Variants in IQCK observed in about 807,000 individuals in gnomAD.
IQCK encodes the protein IQ motif containing K, also known as IQ domain-containing protein K.
Under a neutral mutation model 28.1 loss-of-function variants are expected in IQCK, and 29 were observed. That is an observed-to-expected ratio of 1.03 (90% CI 0.77 to 1.41). The LOEUF is 1.41. Ranked by LOEUF, IQCK falls within the 40% of genes most tolerant of loss-of-function variation. The pLI, the probability that IQCK is intolerant of heterozygous loss-of-function variation, is 0.00. For missense variants in IQCK, 359 were observed against 314.7 expected (o/e 1.14, Z -1.07); for synonymous variants, 113 against 115.1 (o/e 0.98, Z 0.12).
intron 9 of IQCK, among the ~76,000 whole-genome samples, chr16:19,854,768 C>G (rs900501117): frequency 3.3e-5 from 5 of 152,010 alleles, no homozygotes; most frequent in African/African-American, 9.7e-5. Context: ...CCCCCAATCC[C>G]TGGGGAGCTG....
chr16:19,831,012 A>G (rs923469128), downstream of IQCK, among the ~76,000 whole-genome samples: 2 of 152,258 alleles, frequency 1.3e-5, no homozygotes, highest in African/African-American at 4.8e-5. Flanking sequence ...GGCACAGAGC[A>G]GATGGTCTGA....
At chr16:19,750,761 C>T (rs962606614) in intron 4 of IQCK, among the ~76,000 whole-genome samples, 3 of 152,048 alleles carry the variant, frequency 2.0e-5, no homozygotes, top group Non-Finnish European at 2.9e-5. Context: ...CGCACCCAGC[C>T]GAGAATTTAA....
intron 7 of IQCK, among the ~76,000 whole-genome samples, chr16:19,808,875 A>G (rs1175718155): frequency 6.6e-6 from 1 of 152,178 alleles, no homozygotes; most frequent in Non-Finnish European, 1.5e-5. Context: ...CATTTTTTTT[A>G]GACAGAGTTT....
chr16:19,758,094 A>T (rs1328457741), intron 4 of IQCK, among the ~76,000 whole-genome samples: 3 of 152,154 alleles, frequency 2.0e-5, no homozygotes, highest in African/African-American at 7.2e-5. Context: ...ACCCTTTAAC[A>T]ATCAAGGACT....
At chr16:19,818,585 G>A (rs956450701) in intron 7 of IQCK, among the ~76,000 whole-genome samples, 4 of 152,054 alleles carry the variant, frequency 2.6e-5, no homozygotes, top group Admixed American at 6.6e-5. Context: ...TAGGGATGAC[G>A]TTTCACCATG....
At position 19,841,969 on chromosome 16, in the gene IQCK, C is replaced by T. The variant is rs559299097; in HGVS notation, c.803-14518C>T. On this transcript the variant is annotated intron_variant, in intron 9 of 9. Coordinates refer to the IQCK transcript ENST00000320394. ...CAGGCAATTCTCCTGCCTCAGCCTC[C>T]TGAGTAGCTGGGATTACAGGTGCCC... 1.3e-4 allele frequency among the ~76,000 whole-genome samples: 20 copies of T among 152,204 alleles called. No individual in the cohort carries two copies. The South Asian group carries it at 3.9e-3, about 30-fold the overall frequency.
chr16:19,828,949 A>G (rs1184137816), downstream of IQCK, among the ~76,000 whole-genome samples: 3 of 143,158 alleles, frequency 2.1e-5, no homozygotes, highest in Admixed American at 7.3e-5. Flanking sequence ...TTAATTATTT[A>G]ATTATTTAAA....
intron 3 of IQCK, among the ~76,000 whole-genome samples, chr16:19,735,011 C>G (rs1977966730): frequency 6.6e-6 from 1 of 152,018 alleles, no homozygotes; most frequent in African/African-American, 2.4e-5. Flanking sequence ...ACTCTGACTC[C>G]CAATTCCTCT....
intron 7 of IQCK, among the ~76,000 whole-genome samples, chr16:19,823,139 T>C (rs2056098944): frequency 6.6e-6 from 1 of 152,012 alleles, no homozygotes. Flanking sequence ...GAGCCCAGGC[T>C]TGGGCTCCCT....
At chr16:19,718,544 C>T (rs1259478511) in intron 1 of IQCK, 57 bp downstream of exon 1, 2 of 1,451,570 alleles carry the variant, frequency 1.4e-6, no homozygotes, top group Non-Finnish European at 1.8e-6. Context: ...ACGGGGGCCG[C>T]GTTTGGGGAG....
Position 19,733,840 on chromosome 16 carries a change from G to A in IQCK, c.376+13G>A, listed in dbSNP as rs1195731191. The A allele has an allele frequency of 1.2e-6, 2 of 1,613,144 alleles. No homozygotes were observed. Among genetic ancestry groups the A allele is most frequent in the Admixed American group, 1.7e-5 (1 of 59,820 alleles). ...AACCCAAAAACATGTGAGTAAGAGA[G>A]ATGCCATCTTTTATAATTTGGGGCT... On this transcript the variant is annotated intron_variant, in intron 3 of 7. Transcript: ENST00000564186.
intron 7 of IQCK, among the ~76,000 whole-genome samples, chr16:19,811,588 G>A (rs534558258): frequency 5.9e-5 from 9 of 152,184 alleles, no homozygotes; most frequent in Non-Finnish European, 1.3e-4. Flanking sequence ...CTGCAAAGAC[G>A]ACCCCACCAA....
At chr16:19,727,909 C>G (rs1055302693) in intron 1 of IQCK, among the ~76,000 whole-genome samples, 1 of 152,156 alleles carries the variant, frequency 6.6e-6, no homozygotes, top group East Asian at 1.9e-4. Context: ...CTAAGATAGC[C>G]CCCAAGATTC....
At chr16:19,780,376 G>T (rs1486055818) in intron 6 of IQCK, among the ~76,000 whole-genome samples, 1 of 151,956 alleles carries the variant, frequency 6.6e-6, no homozygotes, top group African/African-American at 2.4e-5. Flanking sequence ...AGACAGTGTT[G>T]CCCTGGCTGG....
chr16:19,780,159 A>G (rs539855138), intron 6 of IQCK, among the ~76,000 whole-genome samples: 1 of 152,038 alleles, frequency 6.6e-6, no homozygotes, highest in Non-Finnish European at 1.5e-5. Context: ...CTCCTGCCTC[A>G]GCGTCCCAAG....
chr16:19,721,216 AC>A (rs2151670591), intron 1 of IQCK, among the ~76,000 whole-genome samples: 2 of 151,622 alleles, frequency 1.3e-5, no homozygotes, highest in African/African-American at 4.9e-5. Flanking sequence ...ATTAAGTACT[AC>A]ATTCTCTTAA....
chr16:19,767,999 A>G (rs2055266037), intron 6 of IQCK, among the ~76,000 whole-genome samples: 1 of 151,604 alleles, frequency 6.6e-6, no homozygotes, highest in African/African-American at 2.4e-5. Flanking sequence ...TATAGCCTGA[A>G]CATTGTTTTT....
intron 9 of IQCK, among the ~76,000 whole-genome samples, chr16:19,847,403 G>T (rs548430013): frequency 1.4e-4 from 22 of 152,224 alleles, no homozygotes; most frequent in Non-Finnish European, 2.6e-4. Context: ...GTGAAATTCT[G>T]TGCATGAATC....
intron 9 of IQCK, among the ~76,000 whole-genome samples, chr16:19,839,217 A>G (rs9745656): frequency 6.7e-6 from 1 of 150,070 alleles, no homozygotes; most frequent in South Asian, 2.1e-4. Context: ...ATGGAGTGCA[A>G]TGGCATGATC....
Sources: gnomAD v4.1 joint callset for allele counts (sites outside exome capture counted in the v4.1 genomes callset) on GRCh38, gnomAD v4.1.1 for gene constraint, MANE v1.5 for transcripts, NCBI Gene and HGNC (gene_info 2026-07-23, HGNC 2026-07-21) for gene names.